MTAP: variants seen among roughly 807,000 people sequenced by gnomAD.
MTAP encodes the protein methylthioadenosine phosphorylase.
Under a neutral mutation model 33.6 loss-of-function variants are expected in MTAP, and 33 were observed. The ratio of observed to expected loss-of-function variants is 0.98; its 90% confidence interval spans 0.74 to 1.31. The LOEUF (loss-of-function observed/expected upper bound fraction) is 1.31, where lower values mean the gene tolerates loss of function less well. Ranked by LOEUF, MTAP falls within the 40% of genes most tolerant of loss-of-function variation. The pLI is 0.00. For missense variants in MTAP, 367 were observed against 360.0 expected (o/e 1.02, Z -0.16); for synonymous variants, 148 against 125.7 (o/e 1.18, Z -1.19).
At chr9:21,809,887 G>A (rs1457075578) in intron 1 of MTAP, among the ~76,000 whole-genome samples, 2 of 152,214 alleles carry the variant, frequency 1.3e-5, no homozygotes, top group East Asian at 1.9e-4. Flanking sequence ...CTCTAACAAA[G>A]TATGCATTAG....
chr9:21,926,315 A>G (rs974522140), intron 1 of MTAP, among the ~76,000 whole-genome samples: 1 of 151,724 alleles, frequency 6.6e-6, no homozygotes, highest in Admixed American at 6.6e-5. Context: ...ATAACTCGCT[A>G]TGTAACACCC....
At chr9:21,939,388 G>A (rs7872310), downstream of MTAP, among the ~76,000 whole-genome samples, 1,795 of 152,188 alleles carry the variant, frequency 0.012, 37 homozygotes, top group African/African-American at 0.041. Flanking sequence ...CAGATTTAAC[G>A]TAACTTTTTC....
Position 21,839,409 on chromosome 9 carries a change from C to T in MTAP, c.450+1399C>T, listed in dbSNP as rs983624178. 4.6e-5 allele frequency among the ~76,000 whole-genome samples: 7 copies of T among 152,074 alleles called. No homozygotes were observed. In the East Asian group the frequency reaches 1.3e-3, roughly 29 times the overall value. The stretch of plus-strand genomic sequence containing the variant: ...AGTCTAAGGAGAGAATATGCATGCT[C>T]GTATGAATCTGAGGTCAGTTCTCAG... On this transcript the variant is annotated intron_variant, in intron 5 of 7. Coordinates refer to ENST00000644715, the MANE Select transcript of MTAP (RefSeq NM_002451.4).
intron 7 of MTAP, 56 bp downstream of exon 7, chr9:21,859,481 T>C (rs1016921471): frequency 1.4e-5 from 21 of 1,529,724 alleles, no homozygotes; most frequent in Middle Eastern, 1.8e-4. Flanking sequence ...TTGTCTTCTT[T>C]TCTTACTTGC....
At chr9:21,856,732 A>G (rs550532898) in intron 6 of MTAP, among the ~76,000 whole-genome samples, 1 of 152,346 alleles carries the variant, frequency 6.6e-6, no homozygotes, top group East Asian at 1.9e-4. Context: ...ACAGTGTTAA[A>G]TGCTACAAGG....
At chr9:21,812,763 T>G (rs1336021285) in intron 1 of MTAP, among the ~76,000 whole-genome samples, 1 of 152,182 alleles carries the variant, frequency 6.6e-6, no homozygotes, top group African/African-American at 2.4e-5. Context: ...TGGAGACAAA[T>G]AACTTTTCTA....
chr9:21,871,973 C>A (rs1276417055), downstream of MTAP, among the ~76,000 whole-genome samples: 1 of 152,116 alleles, frequency 6.6e-6, no homozygotes, highest in African/African-American at 2.4e-5. Context: ...TGAGGTAATT[C>A]AGTAAAACCA....
rs1432115888 is a variant in MTAP at position 21,922,790 on chromosome 9, C to G, written c.148-8218C>G. The stretch of plus-strand genomic sequence containing the variant: ...CCGCTGGCTGATCTCTCAGCTTACC[C>G]TGACCGGTGGCTTACAGGGGTAGGA... On this transcript the variant is annotated intron_variant, in intron 1 of 1. Transcript: ENST00000577563. The surrounding 1 kb of genome is among the most constrained non-coding windows in gnomAD (Gnocchi z 4.8). Among the ~76,000 whole-genome samples, 1 of 152,190 alleles carries G rather than the reference C, an allele frequency of 6.6e-6. No individual in the cohort carries two copies. Among genetic ancestry groups the G allele is most frequent in the Admixed American group, 6.5e-5 (1 of 15,280 alleles).
At chr9:21,871,813 C>T (rs73440407), downstream of MTAP, among the ~76,000 whole-genome samples, 6,379 of 152,092 alleles carry the variant, frequency 0.042, 319 homozygotes, top group African/African-American at 0.12. Context: ...GATTTTACTA[C>T]GTAAAATTCT....
intron 5 of MTAP, among the ~76,000 whole-genome samples, chr9:21,846,281 G>T (rs1348740252): frequency 1.3e-5 from 2 of 152,078 alleles, no homozygotes; most frequent in African/African-American, 4.8e-5. Context: ...CATCTAAAAT[G>T]CTTCAGCACA....
intron 4 of MTAP, among the ~76,000 whole-genome samples, chr9:21,818,625 T>C (rs753122862): frequency 6.6e-6 from 1 of 152,156 alleles, no homozygotes; most frequent in East Asian, 1.9e-4. Context: ...GCACCCAGCC[T>C]GTGTTAAGCT....
At chr9:21,913,634 G>T (rs887767000) in intron 1 of MTAP, among the ~76,000 whole-genome samples, 1 of 152,164 alleles carries the variant, frequency 6.6e-6, no homozygotes, top group Non-Finnish European at 1.5e-5. Flanking sequence ...AATTCAGAAT[G>T]GATTAAAGAT....
In MTAP at chr9:21,851,199, A is replaced by AT. The variant is rs773869882; in HGVS notation, c.451-3432_451-3431insT. 3.9e-5 allele frequency among the ~76,000 whole-genome samples: 6 copies of AT among 152,178 alleles called. No homozygotes were observed. In the East Asian group the frequency reaches 7.7e-4, roughly 20 times the overall value. On this transcript the variant is annotated intron_variant, in intron 5 of 7. Transcript: ENST00000644715. ...ATTTCAGTCACTCCACAAGGAAAAA[A>AT]CCACAACCTACTGAGGTCCTTGATA...
chr9:21,835,128 C>T (rs1374954173), intron 4 of MTAP, among the ~76,000 whole-genome samples: 2 of 152,144 alleles, frequency 1.3e-5, no homozygotes, highest in Non-Finnish European at 2.9e-5. Flanking sequence ...TGTGTCCTTA[C>T]ATGGTGGTAG....
At chr9:21,804,711 T>C (rs892794866) in intron 1 of MTAP, among the ~76,000 whole-genome samples, 5 of 152,268 alleles carry the variant, frequency 3.3e-5, no homozygotes, top group Admixed American at 3.3e-4. Flanking sequence ...TCCCAAATTA[T>C]AGAATGATGG....
chr9:21,893,777 GC>G (rs1324875297), intron 1 of MTAP: 1 of 151,316 alleles, frequency 6.6e-6, no homozygotes, highest in Non-Finnish European at 1.5e-5. Flanking sequence ...AACAGAAAAA[GC>G]CTTAGATTAG....
At chr9:21,905,218 A>C (rs1818456205) in intron 1 of MTAP, among the ~76,000 whole-genome samples, 1 of 152,164 alleles carries the variant, frequency 6.6e-6, no homozygotes, top group African/African-American at 2.4e-5. Context: ...GAATGAGTGC[A>C]TGAGTGCAAG....
At chr9:21,826,464 C>T (rs12337510) in intron 4 of MTAP, among the ~76,000 whole-genome samples, 26,898 of 151,328 alleles carry the variant, frequency 0.18, 2,974 homozygotes, top group African/African-American at 0.3. Context: ...TTGCTATAAA[C>T]TGGATTTAGT....
Position 21,862,036 on chromosome 9 carries a change from A to G in MTAP, c.*22A>G, listed in dbSNP as rs929426361. 1.8e-5 allele frequency: 29 copies of G among 1,612,378 alleles called. No homozygotes were observed. The highest frequency in any genetic ancestry group is 2.5e-5 in the Non-Finnish European group (29 of 1,179,398). ...TTAAAGTAGCATGGCTGCCCAGGAGAAAAGAAGACATTCTAATTCCAGTCA... is the reference window on the plus strand; with the variant it reads ...TTAAAGTAGCATGGCTGCCCAGGAGGAAAGAAGACATTCTAATTCCAGTCA... On this transcript the variant is annotated 3_prime_UTR_variant, in exon 8 of 8. Transcript: ENST00000644715.
Sources: gnomAD v4.1 joint callset for allele counts (sites outside exome capture counted in the v4.1 genomes callset) on GRCh38, gnomAD v4.1.1 for gene constraint, Gnocchi (gnomAD v3.1) non-coding constraint, MANE v1.5 for transcripts, NCBI Gene and HGNC (gene_info 2026-07-23, HGNC 2026-07-21) for gene names.